MACROD2: variants seen among roughly 807,000 people sequenced by gnomAD.
MACROD2 encodes the protein mono-ADP ribosylhydrolase 2.
MACROD2 carries 36 observed loss-of-function variants against 70.4 expected under a neutral mutation model. That is an observed-to-expected ratio of 0.51 (90% CI 0.39 to 0.68). MACROD2 has a LOEUF of 0.68. MACROD2 is among the 30% of genes least tolerant of loss of function. MACROD2 has a pLI of 0.00. For synonymous variants in MACROD2, 172 were observed against 178.8 expected (o/e 0.96, Z 0.30); for missense variants, 496 against 538.4 (o/e 0.92, Z 0.78).
At position 15,105,201 on chromosome 20, in the gene MACROD2, T is replaced by C. The variant is rs957813742; in HGVS notation, c.419-124739T>C. 2.0e-5 allele frequency among the ~76,000 whole-genome samples: 3 copies of C among 152,292 alleles called. No homozygotes were observed. In the East Asian group the frequency reaches 5.8e-4, roughly 29 times the overall value. Reference sequence around the variant, plus strand: ...GCAGGGACTCAAATGATGTTTTTTTTCTCTCCAACTCAGCTTCTCTTCCTT... The same window carrying C: ...GCAGGGACTCAAATGATGTTTTTTTCCTCTCCAACTCAGCTTCTCTTCCTT... On this transcript the variant is annotated intron_variant, in intron 5 of 17. Transcript: ENST00000684519.
chr20:15,134,312 A>G lies in MACROD2; in HGVS notation c.419-95628A>G, dbSNP rs533963583. Among the ~76,000 whole-genome samples, 23 of 151,174 alleles carry G rather than the reference A, an allele frequency of 1.5e-4. No individual in the cohort carries two copies. The South Asian group carries it at 4.6e-3, about 30-fold the overall frequency. On this transcript the variant is annotated intron_variant, in intron 5 of 17. Transcript: ENST00000684519. ...GCCGAGGCGGGCGGATCACGAGGTC[A>G]GGAGATAAAGCTCTCCTCAGCAAAT...
intron 3 of MACROD2, among the ~76,000 whole-genome samples, chr20:14,338,910 A>G (rs1601506392): frequency 6.6e-6 from 1 of 152,100 alleles, no homozygotes; most frequent in Non-Finnish European, 1.5e-5. Flanking sequence ...TCACTTGTTC[A>G]TGTTGGTGGT....
At chr20:15,976,055 AAC>A (rs1231068092) in intron 13 of MACROD2, among the ~76,000 whole-genome samples, 9 of 152,234 alleles carry the variant, frequency 5.9e-5, no homozygotes, top group Admixed American at 5.9e-4. Context: ...GCATCAAAGA[AAC>A]AGTCTTTGTT....
intron 3 of MACROD2, among the ~76,000 whole-genome samples, chr20:14,456,387 C>G (rs1600255261): frequency 6.6e-6 from 1 of 151,882 alleles, no homozygotes; most frequent in Admixed American, 6.5e-5. Context: ...GCAAATCTTA[C>G]TAAAAGCAAT....
intron 15 of MACROD2, among the ~76,000 whole-genome samples, chr20:15,995,566 G>C (rs1647043115): frequency 6.7e-6 from 1 of 149,498 alleles, no homozygotes; most frequent in South Asian, 2.1e-4. Flanking sequence ...TAGCCAGGAT[G>C]GTCTCGATCT....
chr20:14,568,340 G>A (rs947866005), intron 4 of MACROD2, among the ~76,000 whole-genome samples: 1 of 151,980 alleles, frequency 6.6e-6, no homozygotes, highest in Non-Finnish European at 1.5e-5. Flanking sequence ...TACAAGAAAG[G>A]TTCCCCAATG....
At chr20:15,389,098 T>A (rs1461422871) in intron 6 of MACROD2, among the ~76,000 whole-genome samples, 1 of 151,992 alleles carries the variant, frequency 6.6e-6, no homozygotes, top group Non-Finnish European at 1.5e-5. Flanking sequence ...CAGATTTGGG[T>A]GAGTTAAAAA....
In MACROD2 at chr20:15,583,729, C is replaced by T. The variant is rs756428051; in HGVS notation, c.645+83882C>T. Reference sequence around the variant, plus strand: ...CATGATCTCAGCTCACTGCAACCTCCGCCTCCTGAGTTCAAGTGATTTTCC... The same window carrying T: ...CATGATCTCAGCTCACTGCAACCTCTGCCTCCTGAGTTCAAGTGATTTTCC... On this transcript the variant is annotated intron_variant, in intron 8 of 17. Transcript: ENST00000684519. 3.9e-5 allele frequency among the ~76,000 whole-genome samples: 6 copies of T among 152,240 alleles called. No homozygotes were observed. The East Asian group carries it at 7.7e-4, about 20-fold the overall frequency.
chr20:14,059,183 C>T (rs2053664864), intron 2 of MACROD2, among the ~76,000 whole-genome samples: 1 of 152,062 alleles, frequency 6.6e-6, no homozygotes, highest in South Asian at 2.1e-4. Context: ...ATTCTTTTTC[C>T]TCTCACCTCT....
At chr20:14,844,974 G>T (rs2073124794) in intron 5 of MACROD2, among the ~76,000 whole-genome samples, 1 of 151,832 alleles carries the variant, frequency 6.6e-6, no homozygotes, top group Admixed American at 6.6e-5. Flanking sequence ...TTTGTCCATG[G>T]CCTTAAATGC....
rs141118274 is a variant in MACROD2 at position 15,588,730 on chromosome 20, C to T, written c.645+88883C>T. The stretch of plus-strand genomic sequence containing the variant: ...AACATAACAAGAGTCACCTTTGCTC[C>T]GGTTCCCAACAAGTTCCTCATCTCC... On this transcript the variant is annotated intron_variant, in intron 8 of 17. Coordinates refer to ENST00000684519, the MANE Select transcript of MACROD2 (RefSeq NM_001351661.2). Among the ~76,000 whole-genome samples, 23 of 152,258 alleles carry T rather than the reference C, an allele frequency of 1.5e-4. No homozygotes were observed. The East Asian group carries it at 3.9e-3, about 26-fold the overall frequency.
At chr20:15,781,105 A>G (rs1430931325) in intron 8 of MACROD2, among the ~76,000 whole-genome samples, 1 of 152,198 alleles carries the variant, frequency 6.6e-6, no homozygotes, top group African/African-American at 2.4e-5. Context: ...AACACTGTAC[A>G]TGCCCAATTT....
intron 3 of MACROD2, among the ~76,000 whole-genome samples, chr20:14,366,781 G>A (rs993205243): frequency 6.6e-6 from 1 of 152,082 alleles, no homozygotes; most frequent in African/African-American, 2.4e-5. Context: ...GCCTATCTGT[G>A]TCTTTGGATC....
chr20:14,504,233 TA>T (rs2084945998), intron 4 of MACROD2, among the ~76,000 whole-genome samples: 1 of 152,214 alleles, frequency 6.6e-6, no homozygotes, highest in Non-Finnish European at 1.5e-5. Context: ...AACTAACGTT[TA>T]TGGGGTGCTG....
chr20:14,833,904 C>T (rs1324372730), intron 5 of MACROD2, among the ~76,000 whole-genome samples: 2 of 152,008 alleles, frequency 1.3e-5, no homozygotes, highest in African/African-American at 4.8e-5. Context: ...AATGTGGCAA[C>T]TCTAGTGATT....
chr20:14,517,340 A>G (rs1372642581), intron 4 of MACROD2, among the ~76,000 whole-genome samples: 2 of 152,200 alleles, frequency 1.3e-5, no homozygotes, highest in Non-Finnish European at 2.9e-5. Context: ...CATATACACC[A>G]TGGAATACTG....
chr20:14,316,934 CT>C (rs2082616256), intron 3 of MACROD2, among the ~76,000 whole-genome samples: 1 of 152,066 alleles, frequency 6.6e-6, no homozygotes, highest in South Asian at 2.1e-4. Context: ...TCTCCACCCC[CT>C]ATCTTCCCCT....
intron 3 of MACROD2, among the ~76,000 whole-genome samples, chr20:14,387,045 T>G (rs1202954711): frequency 6.6e-6 from 1 of 152,252 alleles, no homozygotes; most frequent in African/African-American, 2.4e-5. Context: ...TGTTCTCTGC[T>G]TACTCATACA....
At position 15,764,661 on chromosome 20, in the gene MACROD2, C is replaced by G. The variant is rs114254048; in HGVS notation, c.646-98084C>G. 4.7e-3 allele frequency among the ~76,000 whole-genome samples: 719 copies of G among 152,272 alleles called. 9 individuals are homozygous for G. The highest frequency in any genetic ancestry group is 0.016 in the African/African-American group (668 of 41,540). On this transcript the variant is annotated intron_variant, in intron 8 of 17. Transcript: ENST00000684519. ...CCACCATAGTTCAAAACATCATTGC[C>G]TTTCATCTAAGCTGCTATAAAAGCT...
Sources: gnomAD v4.1 joint callset for allele counts (sites outside exome capture counted in the v4.1 genomes callset) on GRCh38, gnomAD v4.1.1 for gene constraint, MANE v1.5 for transcripts, NCBI Gene and HGNC (gene_info 2026-07-23, HGNC 2026-07-21) for gene names.